MUC6: variants seen among roughly 807,000 people sequenced by gnomAD.
MUC6 encodes mucin-6.
In MUC6, 188 loss-of-function variants were observed where a neutral mutation model predicts 201.5. The ratio of observed to expected loss-of-function variants is 0.93; its 90% CI spans 0.83 to 1.05. The LOEUF (loss-of-function observed/expected upper bound fraction) is 1.05, where lower values mean the gene tolerates loss of function less well. Among genes scored for constraint, MUC6 ranks in the 50% least tolerant of loss-of-function variants. The pLI is 0.00. For synonymous variants in MUC6, 1,228 were observed against 1,389.4 expected (o/e 0.88, Z 2.58); for missense variants, 2,706 against 3,256.9 (o/e 0.83, Z 4.12).
rs369319080 is a variant in MUC6 at position 1,016,109 on chromosome 11, A to G, written c.6692T>C (p.Val2231Ala). 1 of 1,613,408 alleles carries G rather than the reference A, an allele frequency of 6.2e-7. No homozygotes were observed. ...TLSALLPIST[V>A]TVSPTPSSHL... ...GCTGGATGGGGTGGGAGACACGGTAACAGTGGATATGGGGAGTAGAGCAGA... is the reference window on the plus strand; with the variant it reads ...GCTGGATGGGGTGGGAGACACGGTAGCAGTGGATATGGGGAGTAGAGCAGA... The change falls in exon 31 of 33, where the codon GTT becomes GCT. Residue 2231 changes from valine to alanine, a missense_variant. Coordinates refer to ENST00000421673, the MANE Select transcript of MUC6 (RefSeq NM_005961.3).
chr11:1,029,891 G>A (rs887672427), intron 8 of MUC6, among the ~76,000 whole-genome samples: 2 of 152,232 alleles, frequency 1.3e-5, no homozygotes, highest in Non-Finnish European at 2.9e-5. Flanking sequence ...GGTTCCTGGT[G>A]AGTGGTGGCC....
In MUC6 at chr11:1,027,358, T is replaced by G. The variant is rs1564841904; in HGVS notation, c.2141A>C (p.Glu714Ala). ...PDGTYLNQKG[E>A]CVRKAQCPCI... ...CGGGCACTGGGCCTTGCGCACACAC[T>G]CGCCCTTTTGGTTCAGGTAGGTGCC... Residue 714 changes from glutamate (E) to alanine (A), a missense_variant, in exon 17 of 33, where the codon GAG becomes GCG. Physicochemically the swap from Glu to Ala is moderately radical, Grantham distance 107. Around this residue, in one of 10 missense-constraint regions of MUC6, gnomAD observed 1,850 missense variants for 1,958.3 expected, o/e 0.94. Coordinates refer to ENST00000421673, the MANE Select transcript of MUC6 (RefSeq NM_005961.3). 6.2e-7 allele frequency: 1 copy of G among 1,612,800 alleles called. No individual in the cohort carries two copies. Among genetic ancestry groups the G allele is most frequent in the Non-Finnish European group, 8.5e-7 (1 of 1,179,828 alleles).
chr11:1,018,135 T>C lies in MUC6; in HGVS notation c.4666A>G (p.Thr1556Ala). ...GCTGAGTTGGTGTGGGCCACAGGGG[T>C]TCTGGTGCGTGTACTAGTGGGGTTG... ...TPNPTSTRTR[T>A]PVAHTNSATS... The change falls in exon 31 of 33, where the codon ACC becomes GCC. Residue 1556 changes from threonine to alanine, a missense_variant. Around this residue, in one of 10 missense-constraint regions of MUC6, gnomAD observed 128 missense variants for 206.5 expected, o/e 0.62. Transcript: ENST00000421673. 1.2e-6 allele frequency: 2 copies of C among 1,611,736 alleles called. No individual in the cohort carries two copies. Among genetic ancestry groups the C allele is most frequent in the Non-Finnish European group, 1.7e-6 (2 of 1,178,762 alleles).
Position 1,031,013 on chromosome 11 carries a change from C to T in MUC6, c.618G>A (p.Leu206=). 2 of 1,561,486 alleles carry T rather than the reference C, an allele frequency of 1.3e-6. No homozygotes were observed. Among genetic ancestry groups the T allele is most frequent in the South Asian group, 1.2e-5 (1 of 83,744 alleles). The change falls in exon 6 of 33, where the codon CTG becomes CTA. Residue 206 remains leucine, a synonymous_variant. Coordinates refer to ENST00000421673, the MANE Select transcript of MUC6 (RefSeq NM_005961.3). The part of the protein sequence containing the change: ...EPHKFAALQK[L]DDPGEICTFQ... ...AGGTGCAGATCTCGCCGGGGTCGTC[C>T]AGCTTCTGGAGGGCAGCAAACTTGT...
rs1267087284 is a variant in MUC6 at position 1,025,906 on chromosome 11, C to T, written c.2698G>A (p.Gly900Ser). ...CEYILATDVCGVNDSQPTFKI... is the reference protein window; with the variant it reads ...CEYILATDVCSVNDSQPTFKI... The stretch of plus-strand genomic sequence containing the variant: ...AAGGTGGGCTGTGAGTCGTTGACAC[C>T]ACAGACGTCCTGCAGGGAGAGGGCG... The change falls in exon 22 of 33, where the codon GGT becomes AGT. Residue 900 changes from glycine (G) to serine (S), a missense_variant. This residue lies in a region of MUC6 where 1,850 missense variants were observed against 1,958.3 expected (regional missense o/e 0.94). Coordinates refer to ENST00000421673, the MANE Select transcript of MUC6 (RefSeq NM_005961.3). The T allele has an allele frequency of 7.5e-6, 12 of 1,610,720 alleles. No individual in the cohort carries two copies. The highest frequency in any genetic ancestry group is 1.0e-5 in the Non-Finnish European group (12 of 1,178,928).
rs778446894 is a variant in MUC6, at chr11:1,025,846, A to G, written c.2758T>C (p.Ser920Pro). 1.2e-6 allele frequency: 2 copies of G among 1,612,914 alleles called. No individual in the cohort carries two copies. Among genetic ancestry groups the G allele is most frequent in the Non-Finnish European group, 1.7e-6 (2 of 1,179,776 alleles). Reference sequence around the variant, plus strand: ...ATGGCCCGTGAGCATGTGACCCCGGAGTTCCCACAGATGACGTTCTCTGTC... The same window carrying G: ...ATGGCCCGTGAGCATGTGACCCCGGGGTTCCCACAGATGACGTTCTCTGTC... ...ILTENVICGN[S>P]GVTCSRAIKI... Residue 920 changes from serine (S) to proline (P), a missense_variant, in exon 22 of 33, where the codon TCC becomes CCC. Physicochemically the swap from Ser to Pro is moderately conservative, Grantham distance 74. Around this residue, in one of 10 missense-constraint regions of MUC6, gnomAD observed 1,850 missense variants for 1,958.3 expected, o/e 0.94. Transcript: ENST00000421673.
rs1392829404 is a variant in MUC6, at chr11:1,016,030, G to T, written c.6771C>A (p.Ser2257Arg). ...AGGAGAAGGCAGGGGCGGTGTGGGT[G>T]CTGGCCGTGGTCCTGGGCGTGGACG... ...AFPSTPRTTA[S>R]THTAPAFSSQ... The change falls in exon 31 of 33, where the codon AGC becomes AGA. Residue 2257 changes from serine to arginine, a missense_variant. Ser to Arg is a moderately radical substitution (Grantham distance 110). Around this residue, in one of 10 missense-constraint regions of MUC6, gnomAD observed 586 missense variants for 488.0 expected, o/e 1.20. Coordinates refer to ENST00000421673, the MANE Select transcript of MUC6 (RefSeq NM_005961.3). 6.2e-7 allele frequency: 1 copy of T among 1,609,992 alleles called. No individual in the cohort carries two copies. The highest frequency in any genetic ancestry group is 8.5e-7 in the Non-Finnish European group (1 of 1,177,266).
rs765564920 is a variant in MUC6 at position 1,027,029 on chromosome 11, G to C, written c.2306C>G (p.Thr769Ser). ...GGAGGACTGGCTGCAGGACTTGAAGGTCTTAGGGGCCTGGCAGGAGGCTGC... is the reference window on the plus strand; with the variant it reads ...GGAGGACTGGCTGCAGGACTTGAAGCTCTTAGGGGCCTGGCAGGAGGCTGC... ...MFLASCQAPK[T>S]FKSCSQSSEN... Residue 769 changes from threonine (T) to serine (S), a missense_variant, in exon 19 of 33, where the codon ACC becomes AGC. By Grantham distance (58) the Thr-to-Ser change is moderately conservative (BLOSUM62 1). Transcript: ENST00000421673. 1 of 1,603,146 alleles carries C rather than the reference G, an allele frequency of 6.2e-7. No individual in the cohort carries two copies. The highest frequency in any genetic ancestry group is 1.1e-5 in the South Asian group (1 of 89,682).
At chr11:1,020,488 A>ACG (rs1856782404) in intron 28 of MUC6, among the ~76,000 whole-genome samples, 196 bp downstream of exon 28, 2 of 152,144 alleles carry the variant, frequency 1.3e-5, no homozygotes, top group Non-Finnish European at 2.9e-5. Flanking sequence ...GGGTCCAGCC[A>ACG]GGGCCATGGG....
chr11:1,019,230 C>T (rs376309328), intron 30 of MUC6, 45 bp downstream of exon 30: 382 of 1,577,838 alleles, frequency 2.4e-4, no homozygotes, highest in Non-Finnish European at 2.9e-4. Context: ...GTGGTGGGAC[C>T]GGGTGCCTTC....
Position 1,030,673 on chromosome 11 carries a change from T to G in MUC6, c.792A>C (p.Pro264=), listed in dbSNP as rs1250923371. 1 of 1,550,506 alleles carries G rather than the reference T, an allele frequency of 6.4e-7. No individual in the cohort carries two copies. The highest frequency in any genetic ancestry group is 8.7e-7 in the Non-Finnish European group (1 of 1,149,320). The change falls in exon 7 of 33, where the codon CCA becomes CCC. Residue 264 remains proline (P), a synonymous_variant. Transcript: ENST00000421673. ...CQADVAAAPQ[P]GPQNSSCATL... ...TGGCACAACTGCTGTTCTGTGGGCCTGGCTGGGGGGCTGCGGCCACGTCCG... is the reference window on the plus strand; with the variant it reads ...TGGCACAACTGCTGTTCTGTGGGCCGGGCTGGGGGGCTGCGGCCACGTCCG...
At position 1,031,904 on chromosome 11, in the gene MUC6, C is replaced by T. The variant is rs1384138505; in HGVS notation, c.265G>A (p.Gly89Ser). ...ATCCGCGAGATGCTCCCGTCTGGGC[C>T]TCGCCGCAGCTGGACACTGAAGGTG... ...FPTFSVQLRR[G>S]PDGSISRIIV... The change falls in exon 3 of 33, where the codon GGC (glycine) becomes AGC (serine). Residue 89 changes from glycine to serine, a missense_variant. Transcript: ENST00000421673. 6.2e-7 allele frequency: 1 copy of T among 1,613,296 alleles called. No homozygotes were observed. The highest frequency in any genetic ancestry group is 1.1e-5 in the South Asian group (1 of 91,070).
Position 1,027,375 on chromosome 11 carries a change from G to T in MUC6, c.2124C>A (p.Tyr708Ter). ...GCACACACTCGCCCTTTTGGTTCAG[G>T]TAGGTGCCATCGGGGCAGTTGCAAC... Reference protein sequence around the residue: ...VDGCNCPDGTYLNQKGECVRK... With the variant: ...VDGCNCPDGT Residue 708 changes from tyrosine to a stop codon, truncating the protein, a stop_gained, in exon 17 of 33, where the codon TAC becomes TAA. Transcript: ENST00000421673. LOFTEE classifies it high-confidence loss of function. 2 of 1,612,942 alleles carry T rather than the reference G, an allele frequency of 1.2e-6. No individual in the cohort carries two copies. The highest frequency in any genetic ancestry group is 1.1e-5 in the South Asian group (1 of 91,080).
At chr11:1,019,920 T>C (rs769241987) in intron 29 of MUC6, 170 bp downstream of exon 29, 45 of 915,942 alleles carry the variant, frequency 4.9e-5, no homozygotes, top group Non-Finnish European at 6.3e-5. Flanking sequence ...TTTAAAAGTT[T>C]TTCCGAAAAA....
rs367837519 is a variant in MUC6 at position 1,016,085 on chromosome 11, C to A, written c.6716G>T (p.Ser2239Ile). The A allele has an allele frequency of 1.4e-4, 223 of 1,612,292 alleles. No homozygotes were observed. The highest frequency in any genetic ancestry group is 1.9e-4 in the Non-Finnish European group (220 of 1,179,042). Residue 2239 changes from serine (S) to isoleucine (I), a missense_variant, in exon 31 of 33, where the codon AGC (serine) becomes ATC (isoleucine). Physicochemically the swap from Ser to Ile is moderately radical, Grantham distance 142. This residue lies in a region of MUC6 where 586 missense variants were observed against 488.0 expected (regional missense o/e 1.20). Transcript: ENST00000421673. The part of the protein sequence containing the change: ...STVTVSPTPS[S>I]HLASSTIAFP... ...TGCAATGGTGCTGGAGGCTAGGTGG[C>A]TGGATGGGGTGGGAGACACGGTAAC...
At chr11:1,023,758 G>T in intron 25 of MUC6, 106 bp from the exon 26 acceptor site, 1 of 1,504,014 alleles carries the variant, frequency 6.6e-7, no homozygotes, top group South Asian at 1.3e-5. Flanking sequence ...GGCGGGGAAG[G>T]TCTGGGCCCT....
intron 29 of MUC6, 99 bp downstream of exon 29, chr11:1,019,991 G>T: frequency 7.1e-7 from 1 of 1,410,834 alleles, no homozygotes; most frequent in Non-Finnish European, 9.8e-7. Flanking sequence ...AGTGGCAGAT[G>T]TGAGCCAGGA....
In MUC6 at chr11:1,019,261, G is replaced by T. The variant is rs1408619474; in HGVS notation, c.4030+14C>A. The T allele has an allele frequency of 6.2e-7, 1 of 1,612,812 alleles. No homozygotes were observed. The highest frequency in any genetic ancestry group is 1.3e-5 in the African/African-American group (1 of 74,918). On this transcript the variant is annotated intron_variant, in intron 30 of 32. Coordinates refer to ENST00000421673, the MANE Select transcript of MUC6 (RefSeq NM_005961.3). ...CCTTCGGCAGTGCTGGCATCCCATG[G>T]CGCCATGACTTACGCAGCGTGGGGC...
In MUC6 at chr11:1,016,461, A is replaced by G. The variant is rs1270124098; in HGVS notation, c.6340T>C (p.Leu2114=). The G allele has an allele frequency of 6.2e-7, 1 of 1,613,732 alleles. No homozygotes were observed. The highest frequency in any genetic ancestry group is 8.5e-7 in the Non-Finnish European group (1 of 1,179,842). Reference sequence around the variant, plus strand: ...GAAACAGGAGTGGTTGCAGAACTCAAGTGGGGGAGTTGTGTGGTGATAGGT... The same window carrying G: ...GAAACAGGAGTGGTTGCAGAACTCAGGTGGGGGAGTTGTGTGGTGATAGGT... ...SSPITTQLPH[L]SSATTPVSTT... The change falls in exon 31 of 33, where the codon TTG becomes CTG. Residue 2114 remains leucine (L), a synonymous_variant. Transcript: ENST00000421673.
Sources: allele counts gnomAD v4.1 joint callset (sites outside exome capture counted in the v4.1 genomes callset), GRCh38; gene constraint gnomAD v4.1.1; regional missense constraint gnomAD v4.1.1; transcripts MANE v1.5; gene names NCBI Gene and HGNC (gene_info 2026-07-23, HGNC 2026-07-21).